Variants in HERC1 observed in about 807,000 individuals in gnomAD.
The protein encoded by HERC1 is HECT and RLD domain containing E3 ubiquitin protein ligase family member 1, also known as probable E3 ubiquitin-protein ligase HERC1.
A neutral mutation model predicts 554.3 loss-of-function variants in HERC1; 160 were observed. The observed-to-expected ratio is 0.29, with a 90% confidence interval of 0.25 to 0.33. The LOEUF is 0.33. HERC1 is among the 10% of genes least tolerant of loss of function. The pLI, the probability that HERC1 is intolerant of heterozygous loss-of-function variation, is 1.00. For synonymous variants in HERC1, 2,175 were observed against 2,131.7 expected, an observed-to-expected ratio of 1.02 and a Z score of -0.56; for missense variants, 4,919 against 5,918.5, an observed-to-expected ratio of 0.83 and a Z score of 5.54.
In HERC1 at chr15:63,756,344, A is replaced by G. The variant is rs1596166629; in HGVS notation, c.1533+93T>C. ...ATTAAGCCAAAGGGTTGAAGGGGCAACTGCAGAAAGAACACATCAAAATCT... is the reference window on the plus strand; with the variant it reads ...ATTAAGCCAAAGGGTTGAAGGGGCAGCTGCAGAAAGAACACATCAAAATCT... On this transcript the variant is annotated intron_variant, in intron 5 of 77. Coordinates refer to ENST00000443617, the MANE Select transcript of HERC1 (RefSeq NM_003922.4). The surrounding 1 kb of genome is among the most constrained non-coding windows in gnomAD (Gnocchi z 5.0). The G allele has an allele frequency of 1.2e-5, 12 of 1,033,818 alleles. No individual in the cohort carries two copies. The East Asian group carries it at 2.9e-4, about 25-fold the overall frequency. The allele number at this position is 1,033,818 out of a possible 1,614,324, so 64.0% of individuals were successfully genotyped here.
chr15:63,757,394 A>G (rs898256637), intron 4 of HERC1, among the ~76,000 whole-genome samples: 3 of 150,824 alleles, frequency 2.0e-5, no homozygotes, highest in African/African-American at 7.3e-5. Flanking sequence ...CCCTGAGTAC[A>G]TGAGATTATA....
intron 6 of HERC1, 40 bp from the exon 7 acceptor site, chr15:63,754,688 A>C (rs1230689453): frequency 1.9e-6 from 3 of 1,584,830 alleles, no homozygotes; most frequent in Non-Finnish European, 2.6e-6. Flanking sequence ...AACAACATTA[A>C]CTCTTTTTCT....
In HERC1 at chr15:63,661,998, C is replaced by T. The variant is rs1329106987; in HGVS notation, c.8925G>A (p.Arg2975=). ...PTWHVCESED[R]EEVVVCELCE... The stretch of plus-strand genomic sequence containing the variant: ...ACAGTTCACACACCACCACTTCTTC[C>T]CTGTCTTCAGACTCACAAACATGCT... Residue 2975 remains arginine, a synonymous_variant, in exon 45 of 78, where the codon AGG becomes AGA. Coordinates refer to ENST00000443617, the MANE Select transcript of HERC1 (RefSeq NM_003922.4). 1.2e-6 allele frequency: 2 copies of T among 1,613,436 alleles called. No homozygotes were observed. Among genetic ancestry groups the T allele is most frequent in the South Asian group, 2.2e-5 (2 of 91,068 alleles).
Position 63,640,334 on chromosome 15 carries a change from G to A in HERC1, c.11719C>T (p.Pro3907Ser). The A allele has an allele frequency of 6.2e-7, 1 of 1,613,930 alleles. No homozygotes were observed. The highest frequency in any genetic ancestry group is 1.3e-5 in the African/African-American group (1 of 75,034). The change falls in exon 61 of 78, where the codon CCA becomes TCA. Residue 3907 changes from proline to serine, a missense_variant. Transcript: ENST00000443617. ...TCAGGGAGACAGTTCTGGTGGTGTGGTGGCACTGGAGGGTTACACAACAGC... is the reference window on the plus strand; with the variant it reads ...TCAGGGAGACAGTTCTGGTGGTGTGATGGCACTGGAGGGTTACACAACAGC... ...DQLLCNPPVP[P>S]HHQNCLPDPA...
intron 48 of HERC1, among the ~76,000 whole-genome samples, 153 bp from the exon 49 acceptor site, chr15:63,656,511 G>T (rs559567334): frequency 6.6e-6 from 1 of 152,322 alleles, no homozygotes; most frequent in South Asian, 2.1e-4. Context: ...GTTGCCAAAG[G>T]TATCAAGCTG....
In HERC1 at chr15:63,656,185, T is replaced by C; in HGVS notation, c.9773A>G (p.Lys3258Arg). 6.2e-7 allele frequency: 1 copy of C among 1,612,712 alleles called. No homozygotes were observed. ...RSRGGHSKAN[K>R]PISCLAYLST... ...CAAATAGGCCAGGCAAGAGATAGGCTTGTTAGCCTTGCTATGCCCACCTCG... is the reference window on the plus strand; with the variant it reads ...CAAATAGGCCAGGCAAGAGATAGGCCTGTTAGCCTTGCTATGCCCACCTCG... The change falls in exon 49 of 78, where the codon AAG (lysine) becomes AGG (arginine). Residue 3258 changes from lysine (K) to arginine (R), a missense_variant. Coordinates refer to ENST00000443617, the MANE Select transcript of HERC1 (RefSeq NM_003922.4).
rs866553195 is a variant in HERC1, at chr15:63,700,583, A to C, written c.4637-1587T>G. On this transcript the variant is annotated intron_variant, in intron 25 of 77. Transcript: ENST00000443617. ...AATTTATATGTATCCTAGTAAAATAATGTAGAATGGCAAAGAATATATGGT... is the reference window on the plus strand; with the variant it reads ...AATTTATATGTATCCTAGTAAAATACTGTAGAATGGCAAAGAATATATGGT... Among the ~76,000 whole-genome samples the C allele has an allele frequency of 1.6e-3, 243 of 152,180 alleles. 1 individual carries two copies. The Middle Eastern group carries it at 0.017, about 11-fold the overall frequency.
chr15:63,627,481 C>T (rs929588819), intron 70 of HERC1, among the ~76,000 whole-genome samples: 1 of 152,008 alleles, frequency 6.6e-6, no homozygotes, highest in Non-Finnish European at 1.5e-5. Flanking sequence ...CAAGACCAGC[C>T]TGGCCAATAT....
chr15:63,687,548 A>G (rs948875318), intron 33 of HERC1, among the ~76,000 whole-genome samples: 1 of 152,082 alleles, frequency 6.6e-6, no homozygotes, highest in Non-Finnish European at 1.5e-5. Context: ...AAAAAAAAAA[A>G]AGAAAGAAAT....
intron 1 of HERC1, among the ~76,000 whole-genome samples, chr15:63,823,826 A>C (rs1375405113): frequency 2.6e-5 from 4 of 152,236 alleles, no homozygotes; most frequent in African/African-American, 9.6e-5. Context: ...AAAATGAGAG[A>C]CATTTCTGCA....
chr15:63,800,065 G>C (rs999813222), intron 1 of HERC1, among the ~76,000 whole-genome samples: 4 of 152,108 alleles, frequency 2.6e-5, no homozygotes, highest in Non-Finnish European at 5.9e-5. Context: ...GCCACAGGAG[G>C]TCAAGGCTAC....
chr15:63,666,199 G>T, intron 41 of HERC1, 49 bp from the exon 42 acceptor site: 1 of 1,498,544 alleles, frequency 6.7e-7, no homozygotes, highest in South Asian at 1.2e-5. Context: ...AAAGAATTAG[G>T]TCTTTATGTT....
At chr15:63,791,146 G>C (rs1293872549) in intron 1 of HERC1, among the ~76,000 whole-genome samples, 1 of 152,160 alleles carries the variant, frequency 6.6e-6, no homozygotes, top group Admixed American at 6.5e-5. Flanking sequence ...ATAAATACCT[G>C]AGAGATGACA....
chr15:63,676,518 A>G (rs2071216365), intron 37 of HERC1, among the ~76,000 whole-genome samples: 1 of 152,074 alleles, frequency 6.6e-6, no homozygotes, highest in African/African-American at 2.4e-5. Flanking sequence ...GCACTTTGGG[A>G]GGCCGAGGCA....
At position 63,749,261 on chromosome 15, in the gene HERC1, T is replaced by G. The variant is rs1196978810; in HGVS notation, c.2219+106A>C. ...GCAATACTATATATGTTCAGAAGAG[T>G]ATTTTATGAACAAAGCACAATTATT... On this transcript the variant is annotated intron_variant, in intron 10 of 77. Coordinates refer to ENST00000443617, the MANE Select transcript of HERC1 (RefSeq NM_003922.4). The surrounding 1 kb of genome is among the most constrained non-coding windows in gnomAD (Gnocchi z 4.1). The G allele has an allele frequency of 2.4e-6, 2 of 842,608 alleles. No individual in the cohort carries two copies. The highest frequency in any genetic ancestry group is 1.9e-5 in the South Asian group (1 of 54,036). The allele number at this position is 842,608 out of a possible 1,614,324, so 52.2% of individuals were successfully genotyped here. A position where few individuals can be genotyped will look rare whatever the true frequency, so the allele number is the denominator to read the frequency against.
At chr15:63,610,245 G>A (rs528311467) in intron 77 of HERC1, among the ~76,000 whole-genome samples, 4 of 152,188 alleles carry the variant, frequency 2.6e-5, no homozygotes, top group African/African-American at 4.8e-5. Flanking sequence ...GAGGTGGATG[G>A]CCCAGCAGCC....
chr15:63,658,242 C>T (rs1041297520), intron 48 of HERC1, among the ~76,000 whole-genome samples: 15 of 152,160 alleles, frequency 9.9e-5, no homozygotes, highest in Non-Finnish European at 4.4e-5. Context: ...TACATTTTGA[C>T]CTTTAGTTTT....
intron 12 of HERC1, among the ~76,000 whole-genome samples, chr15:63,740,637 T>A (rs1200759348): frequency 1.3e-5 from 2 of 152,232 alleles, no homozygotes; most frequent in East Asian, 3.9e-4. Context: ...AAGTGGTATC[T>A]CAGTGTGGTT....
chr15:63,635,886 A>T, intron 65 of HERC1, 75 bp downstream of exon 65: 1 of 1,414,224 alleles, frequency 7.1e-7, no homozygotes, highest in Non-Finnish European at 9.8e-7. Context: ...ATTTTCTGTT[A>T]CCTAATTTTA....
Sources: allele counts gnomAD v4.1 joint callset (sites outside exome capture counted in the v4.1 genomes callset), GRCh38; gene constraint gnomAD v4.1.1; non-coding constraint Gnocchi (gnomAD v3.1); transcripts MANE v1.5; gene names NCBI Gene and HGNC (gene_info 2026-07-23, HGNC 2026-07-21).